Variants in APOL1 observed in about 807,000 individuals in gnomAD.
The protein encoded by APOL1 is apolipoprotein L 1.
In APOL1, 17 loss-of-function variants were observed where a neutral mutation model predicts 14.9. The ratio of observed to expected loss-of-function variants is 1.14; its 90% CI spans 0.78 to 1.71. APOL1 has a LOEUF of 1.71. APOL1 is among the 40% of genes most tolerant of loss of function. APOL1 has a pLI of 0.00. For missense variants in APOL1, 523 were observed against 485.9 expected, an observed-to-expected ratio of 1.08 and a Z score of -0.72; for synonymous variants, 195 against 184.8, an observed-to-expected ratio of 1.05 and a Z score of -0.45.
intron 5 of APOL1, among the ~76,000 whole-genome samples, chr22:36,262,293 C>T (rs1235013345): frequency 6.6e-6 from 1 of 152,190 alleles, no homozygotes; most frequent in Non-Finnish European, 1.5e-5. Flanking sequence ...TTCTGCTGGT[C>T]CAGGATGCCG....
At chr22:36,259,427 C>T (rs972585278) in intron 4 of APOL1, among the ~76,000 whole-genome samples, 3 of 152,170 alleles carry the variant, frequency 2.0e-5, no homozygotes, top group African/African-American at 7.2e-5. Flanking sequence ...CCCTAAGCCC[C>T]ATTTCCTCAG....
chr22:36,259,773 C>T (rs1411229796), intron 4 of APOL1: 3 of 1,304,234 alleles, frequency 2.3e-6, no homozygotes, highest in Middle Eastern at 2.1e-4. Context: ...TGCTGAGGGT[C>T]CCGCCCCCAT....
Position 36,257,426 on chromosome 22 carries a change from C to T in APOL1, c.187+19C>T, listed in dbSNP as rs1346312201. ...GACCCAGGTAGGCTCACCTCCTCTT[C>T]CCTGCTGGTTCCTACTCGCACTTAG... On this transcript the variant is annotated intron_variant, in intron 4 of 5. Coordinates refer to ENST00000397278, the MANE Select transcript of APOL1 (RefSeq NM_003661.4). The T allele has an allele frequency of 5.0e-6, 8 of 1,606,706 alleles. No homozygotes were observed. The highest frequency in any genetic ancestry group is 4.0e-5 in the African/African-American group (3 of 74,826).
At chr22:36,264,759 A>G (rs1295220338) in intron 5 of APOL1, among the ~76,000 whole-genome samples, 1 of 151,930 alleles carries the variant, frequency 6.6e-6, no homozygotes, top group Non-Finnish European at 1.5e-5. Flanking sequence ...TGCAATTTAC[A>G]CAGGATAGAG....
At chr22:36,260,043 C>G (rs2016028730) in intron 4 of APOL1, 1 of 844,130 alleles carries the variant, frequency 1.2e-6, no homozygotes, top group Non-Finnish European at 1.6e-6. Context: ...GAGCTTCCTG[C>G]TTGATGGTTT....
In APOL1 at chr22:36,257,417, C is replaced by T; in HGVS notation, c.187+10C>T. 6.2e-7 allele frequency: 1 copy of T among 1,610,614 alleles called. No individual in the cohort carries two copies. Among genetic ancestry groups the T allele is most frequent in the East Asian group, 2.2e-5 (1 of 44,870 alleles). On this transcript the variant is annotated intron_variant, in intron 4 of 5. Transcript: ENST00000397278. ...GGCACCATGGACCCAGGTAGGCTCA[C>T]CTCCTCTTCCCTGCTGGTTCCTACT...
chr22:36,259,623 GA>G, intron 4 of APOL1: 3 of 1,261,760 alleles, frequency 2.4e-6, no homozygotes, highest in Non-Finnish European at 3.1e-6. Flanking sequence ...GGGGACTGAG[GA>G]AAAACTCTCC....
chr22:36,258,560 T>C (rs2015968177), intron 4 of APOL1, among the ~76,000 whole-genome samples: 1 of 152,168 alleles, frequency 6.6e-6, no homozygotes, highest in Non-Finnish European at 1.5e-5. Context: ...GCCCAGGTTT[T>C]TGATGCTGAA....
In APOL1 at chr22:36,261,617, A is replaced by C. The variant is rs745944908; in HGVS notation, c.209A>C (p.Asp70Ala). Reference protein sequence around the residue: ...MDPESSIFIEDAIKYFKEKVS... With the variant: ...MDPESSIFIEAAIKYFKEKVS... ...CTAGAGAGCAGTATCTTTATTGAGG[A>C]TGCCATTAAGTATTTCAAGGAAAAA... Residue 70 changes from aspartate to alanine, a missense_variant, in exon 5 of 6, where the codon GAT becomes GCT. Physicochemically the swap from Asp to Ala is moderately radical, Grantham distance 126. Coordinates refer to ENST00000397278, the MANE Select transcript of APOL1 (RefSeq NM_003661.4). 2.5e-6 allele frequency: 4 copies of C among 1,613,488 alleles called. No individual in the cohort carries two copies. The African/African-American group carries it at 5.3e-5, about 22-fold the overall frequency.
chr22:36,253,635 G>A (rs1316111356), intron 1 of APOL1, among the ~76,000 whole-genome samples: 2 of 152,198 alleles, frequency 1.3e-5, no homozygotes, highest in Non-Finnish European at 2.9e-5. Context: ...GCCCAATGGG[G>A]GCAACAGAAT....
At chr22:36,261,531 T>C in intron 4 of APOL1, 65 bp from the exon 5 acceptor site, 1 of 1,518,276 alleles carries the variant, frequency 6.6e-7, no homozygotes, top group South Asian at 1.2e-5. Flanking sequence ...AGTCATCTCT[T>C]ATGCAATGGC....
chr22:36,262,149 G>C (rs2016094906), intron 5 of APOL1, among the ~76,000 whole-genome samples: 1 of 152,198 alleles, frequency 6.6e-6, no homozygotes, highest in Non-Finnish European at 1.5e-5. Flanking sequence ...TCTTCTTCTT[G>C]AAGATGGGAG....
rs953787925 is a variant in APOL1 at position 36,254,091 on chromosome 22, T to G, written c.-19-846T>G. ...ATTATTAAAATCAAACATTTTTGCTTCAATATTAGAGTCACAAGGGCAGAT... is the reference window on the plus strand; with the variant it reads ...ATTATTAAAATCAAACATTTTTGCTGCAATATTAGAGTCACAAGGGCAGAT... On this transcript the variant is annotated intron_variant, in intron 1 of 5. Coordinates refer to ENST00000397278, the MANE Select transcript of APOL1 (RefSeq NM_003661.4). 6.3e-6 allele frequency: 9 copies of G among 1,428,176 alleles called. No homozygotes were observed. The African/African-American group carries it at 1.3e-4, about 20-fold the overall frequency. 88.5% of individuals were successfully genotyped at this position (1,428,176 alleles called of 1,614,324 possible).
At chr22:36,259,848 C>T (rs1235297642) in intron 4 of APOL1, 2 of 1,304,272 alleles carry the variant, frequency 1.5e-6, no homozygotes, top group East Asian at 5.5e-5. Context: ...GAGGAATCTC[C>T]TTTGCATGGT....
In APOL1 at chr22:36,265,869, C is replaced by A; in HGVS notation, c.1033C>A (p.Leu345Ile). The A allele has an allele frequency of 6.2e-7, 1 of 1,614,162 alleles. No individual in the cohort carries two copies. Among genetic ancestry groups the A allele is most frequent in the South Asian group, 1.1e-5 (1 of 91,080 alleles). ...GGATGTGGCCCCTGTAAGCTTCTTT[C>A]TTGTGCTGGATGTAGTCTACCTCGT... is the stretch of plus-strand genomic sequence containing the variant. ...LTDVAPVSFF[L>I]VLDVVYLVYE... The change falls in exon 6 of 6, where the codon CTT becomes ATT. Residue 345 changes from leucine (L) to isoleucine (I), a missense_variant. Transcript: ENST00000397278.
chr22:36,254,715 T>A (rs1258307862), intron 1 of APOL1, among the ~76,000 whole-genome samples: 1 of 151,900 alleles, frequency 6.6e-6, no homozygotes, highest in Non-Finnish European at 1.5e-5. Flanking sequence ...ACAAAAAAAT[T>A]AGCCGGGTGT....
intron 4 of APOL1, among the ~76,000 whole-genome samples, chr22:36,261,093 C>A (rs2016058624): frequency 6.6e-6 from 1 of 152,190 alleles, no homozygotes; most frequent in Non-Finnish European, 1.5e-5. Flanking sequence ...ATGGCACTCC[C>A]CTGGTGTTTC....
At position 36,265,247 on chromosome 22, in the gene APOL1, A is replaced by G. The variant is rs1261604820; in HGVS notation, c.411A>G (p.Arg137=). 6.2e-7 allele frequency: 1 copy of G among 1,614,196 alleles called. No homozygotes were observed. Among genetic ancestry groups the G allele is most frequent in the Non-Finnish European group, 8.5e-7 (1 of 1,180,036 alleles). The change falls in exon 6 of 6, where the codon AGA becomes AGG. Residue 137 remains arginine (R), a synonymous_variant. Coordinates refer to ENST00000397278, the MANE Select transcript of APOL1 (RefSeq NM_003661.4). ...KNWHDKGQQY[R]NWFLKEFPRL... is the part of the protein sequence containing the mutation. ...GGCACGATAAAGGCCAGCAGTACAG[A>G]AACTGGTTTCTGAAAGAGTTTCCTC...
chr22:36,264,006 C>T (rs186996843), intron 5 of APOL1, among the ~76,000 whole-genome samples: 3 of 152,254 alleles, frequency 2.0e-5, no homozygotes, highest in East Asian at 1.9e-4. Context: ...CCTAAACTGA[C>T]TTGGGGAGAT....
Sources: allele counts gnomAD v4.1 joint callset (sites outside exome capture counted in the v4.1 genomes callset), GRCh38; gene constraint gnomAD v4.1.1; transcripts MANE v1.5; gene names NCBI Gene and HGNC (gene_info 2026-07-23, HGNC 2026-07-21).